The following YWHAQ variants were observed in gnomAD, a reference collection of about 807,000 sequenced individuals.
YWHAQ encodes the protein tyrosine 3-monooxygenase/tryptophan 5-monooxygenase activation protein theta, also known as 14-3-3 protein theta.
In YWHAQ, 6 loss-of-function variants were observed where a neutral mutation model predicts 28.3. That is an observed-to-expected ratio of 0.21 (90% CI 0.12 to 0.42). The LOEUF (loss-of-function observed/expected upper bound fraction) is 0.42, where lower values mean the gene tolerates loss of function less well. Among genes scored for constraint, YWHAQ ranks in the 10% least tolerant of loss-of-function variants. The pLI is 1.00. For synonymous variants in YWHAQ, 143 were observed against 119.1 expected, an observed-to-expected ratio of 1.20 and a Z score of -1.31; for missense variants, 201 against 305.6, an observed-to-expected ratio of 0.66 and a Z score of 2.55.
At chr2:9,601,284 A>T (rs1484395061) in intron 2 of YWHAQ, among the ~76,000 whole-genome samples, 1 of 152,128 alleles carries the variant, frequency 6.6e-6, no homozygotes, top group Non-Finnish European at 1.5e-5. Context: ...CAACATGGTG[A>T]AACCCCGTCT....
chr2:9,630,030 C>T lies in YWHAQ; in HGVS notation c.294+129G>A. On this transcript the variant is annotated intron_variant, in intron 2 of 5. Coordinates refer to ENST00000238081, the MANE Select transcript of YWHAQ (RefSeq NM_006826.4). This position sits in a 1 kb window ranked among gnomAD's most constrained non-coding sequence, Gnocchi z 5.6. ...GGGACACAGTAGGGAAGTCAGGGCT[C>T]ACCTAAAACCCTCCACCCCAGCAGA... 3 of 1,222,406 alleles carry T rather than the reference C, an allele frequency of 2.5e-6. No homozygotes were observed. Among genetic ancestry groups the T allele is most frequent in the South Asian group, 1.5e-5 (1 of 68,586 alleles). 75.7% of individuals were successfully genotyped at this position (1,222,406 alleles called of 1,614,324 possible).
intron 2 of YWHAQ, among the ~76,000 whole-genome samples, chr2:9,598,633 G>A (rs773466566): frequency 1.4e-4 from 21 of 152,004 alleles, no homozygotes; most frequent in East Asian, 1.9e-4. Flanking sequence ...ATCTGTGATC[G>A]GTGGTCATTA....
intron 2 of YWHAQ, among the ~76,000 whole-genome samples, chr2:9,594,503 G>A (rs927496667): frequency 2.6e-5 from 4 of 152,138 alleles, no homozygotes; most frequent in African/African-American, 9.7e-5. Context: ...TGGATTCTGA[G>A]AAGTAGTATC....
At chr2:9,589,105 A>G (rs1436737845) in intron 3 of YWHAQ, among the ~76,000 whole-genome samples, 1 of 152,138 alleles carries the variant, frequency 6.6e-6, no homozygotes, top group African/African-American at 2.4e-5. Flanking sequence ...CCTCAGTGAC[A>G]GTTTGTCTCA....
chr2:9,585,087 G>A lies in YWHAQ; in HGVS notation c.*199C>T, dbSNP rs374886445. 4.9e-6 allele frequency: 3 copies of A among 610,372 alleles called. No homozygotes were observed. In the South Asian group the frequency reaches 6.0e-5, roughly 12 times the overall value. The allele number at this position is 610,372 out of a possible 1,614,324, so 37.8% of individuals were successfully genotyped here. ...AAGCTATTAATACTTTTCTACAGCA[G>A]TACTGCACACCAGGAAGGCCAAGAC... On this transcript the variant is annotated 3_prime_UTR_variant, in exon 6 of 6. Coordinates refer to ENST00000238081, the MANE Select transcript of YWHAQ (RefSeq NM_006826.4).
At chr2:9,616,430 A>C (rs2125071541) in intron 2 of YWHAQ, among the ~76,000 whole-genome samples, 1 of 151,536 alleles carries the variant, frequency 6.6e-6, no homozygotes, top group Admixed American at 6.5e-5. Flanking sequence ...CTTATACCAA[A>C]AACATAAGCA....
chr2:9,623,639 G>A (rs1438829586), intron 2 of YWHAQ, among the ~76,000 whole-genome samples: 1 of 152,152 alleles, frequency 6.6e-6, no homozygotes, highest in Non-Finnish European at 1.5e-5. Flanking sequence ...CGGGTGTGGT[G>A]GTGCATGCCT....
intron 5 of YWHAQ, 45 bp from the exon 6 acceptor site, chr2:9,585,390 C>A (rs373509981): frequency 6.3e-7 from 1 of 1,593,276 alleles, no homozygotes. Context: ...CTAGATTAGG[C>A]AATTACACTA....
intron 2 of YWHAQ, among the ~76,000 whole-genome samples, chr2:9,624,564 G>C (rs1339912624): frequency 6.6e-6 from 1 of 151,976 alleles, no homozygotes; most frequent in Non-Finnish European, 1.5e-5. Context: ...CCTGTGCACC[G>C]CATGATGTTT....
At chr2:9,613,232 C>T (rs568909560) in intron 2 of YWHAQ, among the ~76,000 whole-genome samples, 30 of 152,290 alleles carry the variant, frequency 2.0e-4, no homozygotes, top group Admixed American at 1.9e-3. Context: ...AAAGGATTAA[C>T]ATCAGTATTT....
chr2:9,621,285 C>A (rs529560458), intron 2 of YWHAQ, among the ~76,000 whole-genome samples: 1 of 152,136 alleles, frequency 6.6e-6, no homozygotes, highest in South Asian at 2.1e-4. Context: ...GCACTCATCA[C>A]CCAAACAAAA....
intron 2 of YWHAQ, among the ~76,000 whole-genome samples, chr2:9,629,643 T>TGG (rs1022491720): frequency 2.1e-5 from 3 of 146,080 alleles, no homozygotes; most frequent in African/African-American, 7.7e-5. Flanking sequence ...CTCCTGTTTA[T>TGG]GGGGGGTGGG....
At chr2:9,617,862 G>T (rs1408195602) in intron 2 of YWHAQ, among the ~76,000 whole-genome samples, 2 of 151,940 alleles carry the variant, frequency 1.3e-5, no homozygotes, top group South Asian at 4.2e-4. Context: ...AGGAGTTTGA[G>T]GATGCAGTGA....
At chr2:9,617,882 G>A (rs903066510) in intron 2 of YWHAQ, among the ~76,000 whole-genome samples, 1 of 151,600 alleles carries the variant, frequency 6.6e-6, no homozygotes, top group Non-Finnish European at 1.5e-5. Flanking sequence ...AGTCATGACC[G>A]TGCCATTGTA....
intron 2 of YWHAQ, among the ~76,000 whole-genome samples, chr2:9,607,711 CTTTTT>C (rs34963513): frequency 7.8e-6 from 1 of 128,644 alleles, no homozygotes. Context: ...AATTCTTCCT[CTTTTT>C]TTTTTTTTTT....
chr2:9,596,121 T>C (rs1666565244), intron 2 of YWHAQ, among the ~76,000 whole-genome samples: 1 of 152,136 alleles, frequency 6.6e-6, no homozygotes, highest in Admixed American at 6.6e-5. Flanking sequence ...CAATAGACTA[T>C]AACACAAAAG....
intron 2 of YWHAQ, among the ~76,000 whole-genome samples, chr2:9,594,836 T>C (rs924870685): frequency 1.3e-5 from 2 of 152,210 alleles, no homozygotes; most frequent in South Asian, 2.1e-4. Flanking sequence ...GAAATTTCCA[T>C]TCTAGCACTA....
chr2:9,622,919 T>C (rs1171114339), intron 2 of YWHAQ, among the ~76,000 whole-genome samples: 5 of 152,236 alleles, frequency 3.3e-5, no homozygotes, highest in Admixed American at 1.3e-4. Context: ...ACCTCCCTGA[T>C]ATCCAGAAAG....
chr2:9,601,831 G>C (rs567371047), intron 2 of YWHAQ, among the ~76,000 whole-genome samples: 2 of 152,038 alleles, frequency 1.3e-5, no homozygotes, highest in African/African-American at 4.8e-5. Flanking sequence ...TGTATTTTTA[G>C]CAGACGGGGT....
Sources: allele counts gnomAD v4.1 joint callset (sites outside exome capture counted in the v4.1 genomes callset), GRCh38; gene constraint gnomAD v4.1.1; non-coding constraint Gnocchi (gnomAD v3.1); transcripts MANE v1.5; gene names NCBI Gene and HGNC (gene_info 2026-07-23, HGNC 2026-07-21).